NRXN2: variants seen among roughly 807,000 people sequenced by gnomAD.
NRXN2 encodes neurexin-2-beta.
Under a neutral mutation model 128.8 loss-of-function variants are expected in NRXN2, and 29 were observed. That is an observed-to-expected ratio of 0.23 (90% CI 0.17 to 0.31). The LOEUF (loss-of-function observed/expected upper bound fraction) is 0.31. NRXN2 is among the 10% of genes least tolerant of loss of function. The probability of loss-of-function intolerance (pLI) is 1.00; values close to 1 mark genes in which losing one functional copy is unlikely to be tolerated. For synonymous variants in NRXN2, 1,098 were observed against 1,075.2 expected (o/e 1.02, Z -0.41); for missense variants, 1,881 against 2,452.6 (o/e 0.77, Z 4.92).
chr11:64,704,598 T>TCACACACACACA (rs1200286244), intron 2 of NRXN2, among the ~76,000 whole-genome samples: 12 of 99,576 alleles, frequency 1.2e-4, no homozygotes, highest in African/African-American at 5.1e-4. Flanking sequence ...ATTTCCAGGT[T>TCACACACACACA]CACACACACA....
chr11:64,661,493 T>G, intron 9 of NRXN2: 1 of 856,498 alleles, frequency 1.2e-6, no homozygotes, highest in Non-Finnish European at 1.5e-6. Flanking sequence ...ATTCACTGGG[T>G]CATTCCTGCC....
In NRXN2 at chr11:64,626,950, G is replaced by A. The variant is rs573703594; in HGVS notation, c.3758-398C>T. Among the ~76,000 whole-genome samples, 12 of 152,296 alleles carry A rather than the reference G, an allele frequency of 7.9e-5. No homozygotes were observed. In the East Asian group the frequency reaches 9.6e-4, roughly 12 times the overall value. On this transcript the variant is annotated intron_variant, in intron 19 of 22. Transcript: ENST00000265459. Reference sequence around the variant, plus strand: ...CATTTAGCAGGTTTAAGTTGGGGGCGGGAGGCATCAGTGGCCCAACTGGTT... The same window carrying A: ...CATTTAGCAGGTTTAAGTTGGGGGCAGGAGGCATCAGTGGCCCAACTGGTT...
intron 17 of NRXN2, among the ~76,000 whole-genome samples, chr11:64,637,734 G>A (rs980093923): frequency 6.6e-6 from 1 of 152,156 alleles, no homozygotes; most frequent in Non-Finnish European, 1.5e-5. Context: ...GACCAGGGAA[G>A]GAAACCAAGT....
In NRXN2 at chr11:64,607,783, G is replaced by T. The variant is rs764827298; in HGVS notation, c.4552C>A (p.Pro1518Thr). ...AGGGTGGTGCGGTCCGTGACCAGGGGAAAGGTGGTGTAAAAGTCCTCGTCG... is the reference window on the plus strand; with the variant it reads ...AGGGTGGTGCGGTCCGTGACCAGGGTAAAGGTGGTGTAAAAGTCCTCGTCG... ...TDDEDFYTTF[P>T]LVTDRTTLLS... Residue 1518 changes from proline to threonine, a missense_variant, in exon 23 of 23, where the codon CCC becomes ACC. Pro to Thr is a conservative substitution (Grantham distance 38, BLOSUM62 -1). Transcript: ENST00000265459. The T allele has an allele frequency of 3.1e-5, 49 of 1,596,968 alleles. No homozygotes were observed. The highest frequency in any genetic ancestry group is 4.1e-5 in the Non-Finnish European group (48 of 1,172,440).
Position 64,661,114 on chromosome 11 carries a change from G to A in NRXN2, c.1824C>T (p.Ser608=), listed in dbSNP as rs1243907104. ...TGTCTCCAGTGGCCAAGAACGGCGT[G>A]CTGCGACTATTCACTGAGATGGAGC... ...RKGSISVNSR[S]TPFLATGDSE... is the part of the protein sequence containing the mutation. The change falls in exon 10 of 23, where the codon AGC becomes AGT. Residue 608 remains serine, a synonymous_variant. Coordinates refer to ENST00000265459, the MANE Select transcript of NRXN2 (RefSeq NM_015080.4). The A allele has an allele frequency of 6.2e-7, 1 of 1,613,598 alleles. No individual in the cohort carries two copies. Among genetic ancestry groups the A allele is most frequent in the Non-Finnish European group, 8.5e-7 (1 of 1,180,038 alleles).
intron 17 of NRXN2, chr11:64,643,135 C>A: frequency 4.2e-6 from 4 of 962,548 alleles, no homozygotes; most frequent in Non-Finnish European, 4.9e-6. Context: ...GGCATGGTGC[C>A]GAGTGGAGAG....
intron 7 of NRXN2, among the ~76,000 whole-genome samples, chr11:64,670,395 G>A (rs890755206): frequency 1.3e-5 from 2 of 152,258 alleles, no homozygotes; most frequent in Non-Finnish European, 2.9e-5. Context: ...ACATGCAAAC[G>A]AGATTAGACC....
chr11:64,617,294 T>C (rs2041688230), intron 22 of NRXN2, among the ~76,000 whole-genome samples: 1 of 152,178 alleles, frequency 6.6e-6, no homozygotes, highest in South Asian at 2.1e-4. Context: ...ACCCTGCCTC[T>C]GTGGGTCTGA....
intron 2 of NRXN2, among the ~76,000 whole-genome samples, chr11:64,710,587 G>A (rs2056795366): frequency 1.3e-5 from 2 of 152,162 alleles, no homozygotes; most frequent in Admixed American, 6.5e-5. Context: ...ACCTCCCGTA[G>A]CTCGAGCTTT....
chr11:64,661,279 C>A, intron 9 of NRXN2, 140 bp from the exon 10 acceptor site: 1 of 1,534,648 alleles, frequency 6.5e-7, no homozygotes. Context: ...GAGCAGCAGT[C>A]CTGGGCTGGA....
intron 6 of NRXN2, 129 bp from the exon 7 acceptor site, chr11:64,677,166 GA>G (rs1158112231): frequency 3.1e-6 from 2 of 648,260 alleles, no homozygotes; most frequent in Admixed American, 2.9e-5. Context: ...AAGGAACGAG[GA>G]AAAAATATAT....
At position 64,667,269 on chromosome 11, in the gene NRXN2, G is replaced by A; in HGVS notation, c.1779C>T (p.Phe593=). The A allele has an allele frequency of 6.2e-7, 1 of 1,614,214 alleles. No individual in the cohort carries two copies. Among genetic ancestry groups the A allele is most frequent in the Non-Finnish European group, 8.5e-7 (1 of 1,180,038 alleles). ...VNDGEWCHVD[F]QRDGRKGSIS... ...CCTGACCTTTTCGCCCATCCCTCTG[G>A]AAGTCCACGTGACACCACTCGCCAT... is the stretch of plus-strand genomic sequence containing the variant. Residue 593 remains phenylalanine (F), a synonymous_variant, in exon 9 of 23, where the codon TTC becomes TTT. Transcript: ENST00000265459. This position sits in a 1 kb window ranked among gnomAD's most constrained non-coding sequence, Gnocchi z 5.6.
chr11:64,660,325 T>G lies in NRXN2; in HGVS notation c.2389+7A>C. ...AGGGGTCAGGAAGCACAGGGCAGGG[T>G]GGTTACCGAGGTTGACAGTGAGCTT... On this transcript the variant is annotated splice_region_variant and intron_variant, in intron 11 of 22. Transcript: ENST00000265459. This position sits in a 1 kb window ranked among gnomAD's most constrained non-coding sequence, Gnocchi z 5.2. The G allele has an allele frequency of 6.2e-7, 1 of 1,612,356 alleles. No homozygotes were observed. The highest frequency in any genetic ancestry group is 8.5e-7 in the Non-Finnish European group (1 of 1,179,698).
intron 2 of NRXN2, among the ~76,000 whole-genome samples, chr11:64,709,190 CA>C (rs112450142): frequency 0.021 from 1,714 of 83,040 alleles, 14 homozygotes; most frequent in African/African-American, 0.061. Flanking sequence ...GACTCCATCT[CA>C]AAAAAAAAAA....
At chr11:64,717,569 C>G (rs2057335312) in intron 1 of NRXN2, among the ~76,000 whole-genome samples, 1 of 152,198 alleles carries the variant, frequency 6.6e-6, no homozygotes, top group Non-Finnish European at 1.5e-5. Context: ...CTCCCGATAA[C>G]TCAACATTAC....
At position 64,713,766 on chromosome 11, in the gene NRXN2, G is replaced by T. The variant is rs2057181839; in HGVS notation, c.-67C>A. 2.3e-6 allele frequency: 2 copies of T among 873,080 alleles called. No homozygotes were observed. The highest frequency in any genetic ancestry group is 1.8e-5 in the African/African-American group (1 of 54,928). 54.1% of individuals were successfully genotyped at this position (873,080 alleles called of 1,614,324 possible). ...TCAGGCTTCAGAGCCGCGGGCGCAT[G>T]GGGCGGGAGGGGGCCGGGCGCTCCC... On this transcript the variant is annotated 5_prime_UTR_variant, in exon 2 of 23. Coordinates refer to ENST00000265459, the MANE Select transcript of NRXN2 (RefSeq NM_015080.4).
rs2044509514 is a variant in NRXN2 at position 64,635,121 on chromosome 11, T to G, written c.3585+150A>C. The G allele has an allele frequency of 4.7e-6, 4 of 849,780 alleles. No homozygotes were observed. The South Asian group carries it at 6.6e-5, about 14-fold the overall frequency. 52.6% of individuals were successfully genotyped at this position (849,780 alleles called of 1,614,324 possible). A position where few individuals can be genotyped will look rare whatever the true frequency, so the allele number is the denominator to read the frequency against. On this transcript the variant is annotated intron_variant, in intron 18 of 22. Transcript: ENST00000265459. This position sits in a 1 kb window ranked among gnomAD's most constrained non-coding sequence, Gnocchi z 4.8. ...GGAAGGGTCTCAGAAGCAGAACTTC[T>G]TAGCAGGAAGCTCCAGCAATGAGGG...
intron 17 of NRXN2, among the ~76,000 whole-genome samples, chr11:64,647,207 TTGTGTGTG>T (rs10535079): frequency 4.8e-5 from 7 of 146,552 alleles, no homozygotes; most frequent in African/African-American, 1.0e-4. Flanking sequence ...AGACGCTTCG[TTGTGTGTG>T]TGTGTGTGTG....
intron 11 of NRXN2, chr11:64,659,529 T>C (rs1282898168): frequency 6.6e-6 from 1 of 152,392 alleles, no homozygotes; most frequent in Non-Finnish European, 1.5e-5. Flanking sequence ...TCAGCATGAG[T>C]GGCCTGAGGG....
Sources: allele counts gnomAD v4.1 joint callset (sites outside exome capture counted in the v4.1 genomes callset), GRCh38; gene constraint gnomAD v4.1.1; non-coding constraint Gnocchi (gnomAD v3.1); transcripts MANE v1.5; gene names NCBI Gene and HGNC (gene_info 2026-07-23, HGNC 2026-07-21).